The following MGRN1 variants were observed in gnomAD, a reference collection of about 807,000 sequenced individuals.
MGRN1 encodes E3 ubiquitin-protein ligase MGRN1.
In MGRN1, 29 loss-of-function variants were observed where a neutral mutation model predicts 69.2. The observed-to-expected ratio is 0.42, with a 90% CI of 0.31 to 0.57. The LOEUF (loss-of-function observed/expected upper bound fraction) is 0.57. Ranked by LOEUF, MGRN1 falls within the 20% of genes least tolerant of loss-of-function variation. The pLI, the probability that MGRN1 is intolerant of heterozygous loss-of-function variation, is 0.15. For synonymous variants in MGRN1, 470 were observed against 344.2 expected, an observed-to-expected ratio of 1.37 and a Z score of -4.04; for missense variants, 998 against 796.2, an observed-to-expected ratio of 1.25 and a Z score of -3.05.
chr16:4,673,401 G>A (rs1448640797), intron 9 of MGRN1, 97 bp from the exon 10 acceptor site: 6 of 1,484,340 alleles, frequency 4.0e-6, no homozygotes, highest in Non-Finnish European at 1.8e-6. Context: ...CAGCCCCCAG[G>A]GTAGGGTGGA....
intron 16 of MGRN1, among the ~76,000 whole-genome samples, chr16:4,685,630 T>G (rs1684588): frequency 0.53 from 80,741 of 152,174 alleles, 22,032 homozygotes; most frequent in East Asian, 0.67. Context: ...TGGGGGCTGT[T>G]TGGCGCCATC....
intron 1 of MGRN1, chr16:4,639,721 T>C (rs556843100): frequency 6.6e-6 from 1 of 152,214 alleles, no homozygotes; most frequent in East Asian, 1.9e-4. Flanking sequence ...CTCTTTCTCT[T>C]AGGGGTGTAC....
intron 1 of MGRN1, among the ~76,000 whole-genome samples, chr16:4,639,150 G>A (rs980833320): frequency 3.3e-5 from 5 of 152,204 alleles, no homozygotes; most frequent in African/African-American, 1.2e-4. Flanking sequence ...TCTTAGGCAT[G>A]GAGCGGGGAG....
At chr16:4,630,874 C>T (rs905161218) in intron 1 of MGRN1, among the ~76,000 whole-genome samples, 11 of 146,824 alleles carry the variant, frequency 7.5e-5, no homozygotes, top group East Asian at 6.0e-4. Flanking sequence ...TAGAGTATAG[C>T]GGCATGATGT....
intron 5 of MGRN1, among the ~76,000 whole-genome samples, chr16:4,657,665 G>T (rs2078577705): frequency 6.6e-6 from 1 of 151,810 alleles, no homozygotes; most frequent in African/African-American, 2.4e-5. Context: ...GCAATGCAGG[G>T]TCTGTTCACA....
intron 2 of MGRN1, chr16:4,650,710 A>C: frequency 2.4e-6 from 1 of 419,828 alleles, no homozygotes; most frequent in Non-Finnish European, 4.2e-6. Context: ...GTCACTGAGA[A>C]ACAGAGCAGC....
At chr16:4,686,497 T>A (rs889677893) in intron 16 of MGRN1, 8 of 1,385,210 alleles carry the variant, frequency 5.8e-6, no homozygotes, top group Middle Eastern at 2.6e-4. Context: ...AGTGGCCTCC[T>A]GGGGGGTCCT....
At chr16:4,668,337 G>T (rs765317402) in intron 8 of MGRN1, 25 bp downstream of exon 8, 2 of 1,612,160 alleles carry the variant, frequency 1.2e-6, no homozygotes, top group Middle Eastern at 1.7e-4. Context: ...GAAATATGAC[G>T]TGCTTGAATT....
rs1466506472 is a variant in MGRN1 at position 4,657,261 on chromosome 16, C to A, written c.459C>A (p.Ser153Arg). ...CTCCCTGCAGATACAGCCCCAAGAG[C>A]CCCTCGCTACAGTCCGAGACCGTCC... is the stretch of plus-strand genomic sequence containing the variant. ...LNGRAVYSPK[S>R]PSLQSETVHY... Residue 153 changes from serine (S) to arginine (R), a missense_variant, in exon 5 of 17, where the codon AGC (serine) becomes AGA (arginine). Ser to Arg is a moderately radical substitution (Grantham distance 110). Coordinates refer to ENST00000262370, the MANE Select transcript of MGRN1 (RefSeq NM_015246.4). The A allele has an allele frequency of 6.2e-7, 1 of 1,613,960 alleles. No homozygotes were observed. The highest frequency in any genetic ancestry group is 8.5e-7 in the Non-Finnish European group (1 of 1,179,846).
At chr16:4,655,109 G>A (rs913420359) in intron 4 of MGRN1, among the ~76,000 whole-genome samples, 16 of 152,114 alleles carry the variant, frequency 1.1e-4, no homozygotes, top group South Asian at 2.1e-4. Flanking sequence ...TGACACCCAC[G>A]GGGCCTGGTG....
At chr16:4,678,004 C>T (rs1009075136) in intron 11 of MGRN1, among the ~76,000 whole-genome samples, 1 of 152,074 alleles carries the variant, frequency 6.6e-6, no homozygotes, top group African/African-American at 2.4e-5. Context: ...TGTACCACCA[C>T]GCCGAGCTAA....
At chr16:4,654,553 C>A (rs543020815) in intron 4 of MGRN1, among the ~76,000 whole-genome samples, 3 of 152,376 alleles carry the variant, frequency 2.0e-5, no homozygotes, top group African/African-American at 7.2e-5. Context: ...CTGGAGCACA[C>A]CGCTCAGTGG....
rs1283045459 is a variant in MGRN1, at chr16:4,652,837, G to A, written c.443+13G>A. On this transcript the variant is annotated intron_variant, in intron 4 of 16. Transcript: ENST00000262370. ...ACGGCAGGGCAGTGTGAGTCCCGCG[G>A]GCGGCTGGCACCGGCCTGGCTGGGG... is the stretch of plus-strand genomic sequence containing the variant. The A allele has an allele frequency of 3.8e-6, 6 of 1,586,630 alleles. No homozygotes were observed. Among genetic ancestry groups the A allele is most frequent in the Non-Finnish European group, 5.2e-6 (6 of 1,163,832 alleles).
At chr16:4,675,336 C>G (rs2079032359) in intron 10 of MGRN1, among the ~76,000 whole-genome samples, 1 of 152,070 alleles carries the variant, frequency 6.6e-6, no homozygotes, top group South Asian at 2.1e-4. Context: ...GTCTCGAACT[C>G]TTGGGGTTAA....
chr16:4,628,697 A>G (rs1263512621), intron 1 of MGRN1, among the ~76,000 whole-genome samples: 1 of 152,078 alleles, frequency 6.6e-6, no homozygotes, highest in Non-Finnish European at 1.5e-5. Flanking sequence ...GGTGCGCACC[A>G]CCACGCCCGG....
At chr16:4,652,909 G>A in intron 4 of MGRN1, 85 bp downstream of exon 4, 2 of 1,431,560 alleles carry the variant, frequency 1.4e-6, no homozygotes, top group Non-Finnish European at 9.2e-7. Flanking sequence ...CTAACCAGAG[G>A]GAGAAAACCA....
chr16:4,668,756 A>G (rs1331986891), intron 8 of MGRN1, among the ~76,000 whole-genome samples: 1 of 121,174 alleles, frequency 8.3e-6, no homozygotes, highest in Admixed American at 7.8e-5. Context: ...ACACACATAT[A>G]CCCATTCACA....
At chr16:4,671,324 G>C in intron 8 of MGRN1, 67 bp from the exon 9 acceptor site, 1 of 1,507,140 alleles carries the variant, frequency 6.6e-7, no homozygotes, top group South Asian at 1.1e-5. Context: ...GGCTAGGCCA[G>C]GTGGGTATGG....
At chr16:4,636,669 G>A (rs1898309983) in intron 1 of MGRN1, among the ~76,000 whole-genome samples, 1 of 152,042 alleles carries the variant, frequency 6.6e-6, no homozygotes, top group Non-Finnish European at 1.5e-5. Flanking sequence ...TAGGGTGAGG[G>A]GTGTGTGCTA....
Sources: allele counts gnomAD v4.1 joint callset (sites outside exome capture counted in the v4.1 genomes callset), GRCh38; gene constraint gnomAD v4.1.1; transcripts MANE v1.5; gene names NCBI Gene and HGNC (gene_info 2026-07-23, HGNC 2026-07-21).